ELAVL2: variants seen among roughly 807,000 people sequenced by gnomAD.
ELAVL2 encodes ELAV like RNA binding protein 2, also known as ELAV-like protein 2.
Under a neutral mutation model 34.6 loss-of-function variants are expected in ELAVL2, and 4 were observed. That is an observed-to-expected ratio of 0.12 (90% confidence interval 0.06 to 0.26). The LOEUF is 0.26. ELAVL2 is among the 10% of genes least tolerant of loss of function. ELAVL2 has a pLI of 1.00. For synonymous variants in ELAVL2, 193 were observed against 154.8 expected (o/e 1.25, Z -1.83); for missense variants, 432 against 442.8 (o/e 0.98, Z 0.22).
chr9:23,805,679 G>A (rs754117905), intron 1 of ELAVL2, among the ~76,000 whole-genome samples: 1 of 152,136 alleles, frequency 6.6e-6, no homozygotes, highest in Admixed American at 6.5e-5. Context: ...ATCTACCTTA[G>A]ACCTCAACTT....
At chr9:23,846,973 T>G in the ELAVL2 span, among the ~76,000 whole-genome samples, 1 of 152,094 alleles carries the variant, frequency 6.6e-6, no homozygotes, top group Non-Finnish European at 1.5e-5. Flanking sequence ...TCATAAGCTG[T>G]CTTGCCTTAG....
chr9:23,774,362 A>G (rs1044721030), intron 1 of ELAVL2, among the ~76,000 whole-genome samples: 1 of 152,096 alleles, frequency 6.6e-6, no homozygotes, highest in Non-Finnish European at 1.5e-5. Context: ...TTTAACATGG[A>G]AAGGAAAGAC....
At chr9:23,788,045 T>C (rs992549) in intron 1 of ELAVL2, among the ~76,000 whole-genome samples, 26,624 of 152,138 alleles carry the variant, frequency 0.17, 2,789 homozygotes, top group South Asian at 0.28. Context: ...GCTGAGAGAA[T>C]GAACTACAGG....
At chr9:23,786,691 G>GA (rs1312113448) in intron 1 of ELAVL2, among the ~76,000 whole-genome samples, 2 of 150,522 alleles carry the variant, frequency 1.3e-5, no homozygotes, top group African/African-American at 4.9e-5. Context: ...ATAGGACCAG[G>GA]AGCCTGTTAA....
chr9:23,830,626 C>CCT (rs1491521757), upstream of ELAVL2, among the ~76,000 whole-genome samples: 1,430 of 72,486 alleles, frequency 0.02, 12 homozygotes, highest in Middle Eastern at 0.078. Context: ...ACACACACAC[C>CCT]TTTTTTTTTT....
At chr9:23,818,487 C>G (rs907927527) in intron 1 of ELAVL2, among the ~76,000 whole-genome samples, 1 of 152,156 alleles carries the variant, frequency 6.6e-6, no homozygotes, top group Non-Finnish European at 1.5e-5. Context: ...TTAACCTCCC[C>G]CCACACACAC....
At chr9:23,695,706 A>G (rs141656834) in intron 5 of ELAVL2, among the ~76,000 whole-genome samples, 1 of 152,276 alleles carries the variant, frequency 6.6e-6, no homozygotes, top group Non-Finnish European at 1.5e-5. Flanking sequence ...TTCTAACACA[A>G]TGCTAAGTAT....
chr9:23,720,709 G>C (rs754459709), intron 3 of ELAVL2, among the ~76,000 whole-genome samples: 2 of 151,570 alleles, frequency 1.3e-5, no homozygotes, highest in African/African-American at 4.8e-5. Flanking sequence ...TGATGTAACC[G>C]ACAAATGAAA....
chr9:23,850,429 G>A, the ELAVL2 span, among the ~76,000 whole-genome samples: 1 of 152,082 alleles, frequency 6.6e-6, no homozygotes, highest in Non-Finnish European at 1.5e-5. Context: ...CTGCTGCTGC[G>A]AGGCTGCTGC....
At chr9:23,815,630 T>A (rs2063598332) in intron 1 of ELAVL2, among the ~76,000 whole-genome samples, 1 of 152,132 alleles carries the variant, frequency 6.6e-6, no homozygotes, top group Non-Finnish European at 1.5e-5. Context: ...ACGTGGTCCT[T>A]GAGATGGGGA....
intron 1 of ELAVL2, among the ~76,000 whole-genome samples, chr9:23,766,451 C>T (rs932987948): frequency 6.6e-6 from 1 of 152,032 alleles, no homozygotes; most frequent in Admixed American, 6.6e-5. Context: ...TCCTGAATAC[C>T]TTCAGGAGTT....
chr9:23,707,854 A>C (rs934229028), intron 3 of ELAVL2, among the ~76,000 whole-genome samples: 3 of 152,176 alleles, frequency 2.0e-5, no homozygotes, highest in Non-Finnish European at 4.4e-5. Context: ...AGCCCCTTAA[A>C]GTAGAGAGAA....
chr9:23,742,919 T>C (rs527793087), intron 2 of ELAVL2, among the ~76,000 whole-genome samples: 2 of 152,180 alleles, frequency 1.3e-5, no homozygotes, highest in East Asian at 3.9e-4. Flanking sequence ...TTAGGAAAAA[T>C]TCCAAAACAG....
At chr9:23,731,176 A>G in intron 2 of ELAVL2, 51 bp from the exon 3 acceptor site, 1 of 1,511,234 alleles carries the variant, frequency 6.6e-7, no homozygotes, top group South Asian at 1.3e-5. Flanking sequence ...TACTGTTGAC[A>G]GAGATCAACT....
intron 5 of ELAVL2, among the ~76,000 whole-genome samples, chr9:23,696,492 G>A (rs146265994): frequency 0.012 from 1,787 of 152,154 alleles, 33 homozygotes; most frequent in African/African-American, 0.042. Flanking sequence ...TTTTTGAGAC[G>A]AAGTCTCGCT....
chr9:23,780,217 T>C (rs1360622178), intron 1 of ELAVL2, among the ~76,000 whole-genome samples: 3 of 152,078 alleles, frequency 2.0e-5, no homozygotes, highest in Non-Finnish European at 4.4e-5. Context: ...TAGTAAATTA[T>C]AATAATCATT....
chr9:23,781,208 A>AT (rs1240060009), intron 1 of ELAVL2, among the ~76,000 whole-genome samples: 4 of 152,216 alleles, frequency 2.6e-5, no homozygotes, highest in African/African-American at 9.7e-5. Flanking sequence ...AAAGTAGGGT[A>AT]TTGTTCTCAA....
chr9:23,789,886 C>G (rs1422591852), intron 1 of ELAVL2, among the ~76,000 whole-genome samples: 3 of 152,068 alleles, frequency 2.0e-5, no homozygotes, highest in Non-Finnish European at 2.9e-5. Flanking sequence ...TTTAAGTGTT[C>G]TATGCTTTTT....
chr9:23,826,923 C>T (rs2065333217), upstream of ELAVL2, among the ~76,000 whole-genome samples: 1 of 152,018 alleles, frequency 6.6e-6, no homozygotes, highest in Admixed American at 6.6e-5. Context: ...TTTATGTGTC[C>T]CCATGAACCC....
Sources: allele counts gnomAD v4.1 joint callset (sites outside exome capture counted in the v4.1 genomes callset), GRCh38; gene constraint gnomAD v4.1.1; transcripts MANE v1.5; gene names NCBI Gene and HGNC (gene_info 2026-07-23, HGNC 2026-07-21).